COL27A1: variants seen among roughly 807,000 people sequenced by gnomAD.
The protein encoded by COL27A1 is collagen type XXVII alpha 1 chain, also known as collagen alpha-1(XXVII) chain.
Under a neutral mutation model 251.3 loss-of-function variants are expected in COL27A1, and 106 were observed. The ratio of observed to expected loss-of-function variants is 0.42; its 90% confidence interval spans 0.36 to 0.50. The LOEUF (loss-of-function observed/expected upper bound fraction) is 0.50. Ranked by LOEUF, COL27A1 falls within the 20% of genes least tolerant of loss-of-function variation. The probability of loss-of-function intolerance (pLI) is 0.00; values close to 1 mark genes in which losing one functional copy is unlikely to be tolerated. For synonymous variants in COL27A1, 1,000 were observed against 986.3 expected (o/e 1.01, Z -0.26); for missense variants, 2,325 against 2,522.8 (o/e 0.92, Z 1.68).
intron 50 of COL27A1, 49 bp downstream of exon 50, chr9:114,300,172 C>A: frequency 2.0e-6 from 3 of 1,533,520 alleles, no homozygotes; most frequent in South Asian, 2.3e-5. Context: ...ATCCATTCAC[C>A]CCATTCATTC....
chr9:114,240,500 G>A lies in COL27A1; in HGVS notation c.2835+13G>A. On this transcript the variant is annotated intron_variant, in intron 21 of 60. Transcript: ENST00000356083. The stretch of plus-strand genomic sequence containing the variant: ...GCTGGGGCCCGAGGTGAGACTGTCT[G>A]GCCCCCTCCACTGCCCATCCTGGCC... 2 of 1,606,452 alleles carry A rather than the reference G, an allele frequency of 1.2e-6. No individual in the cohort carries two copies. Among genetic ancestry groups the A allele is most frequent in the Non-Finnish European group, 1.7e-6 (2 of 1,179,030 alleles).
Position 114,275,771 on chromosome 9 carries a change from G to T in COL27A1, c.3717+3G>T. ...CCCCTGGCGTCACTGGTGTCCGGGT[G>T]AGTGTGCAGGCCCCTTGCAGCGCCT... On this transcript the variant is annotated splice_donor_region_variant and intron_variant, in intron 37 of 60. Coordinates refer to ENST00000356083, the MANE Select transcript of COL27A1 (RefSeq NM_032888.4). The T allele has an allele frequency of 6.5e-7, 1 of 1,536,078 alleles. No homozygotes were observed. Among genetic ancestry groups the T allele is most frequent in the South Asian group, 1.2e-5 (1 of 83,546 alleles).
rs1468091802 is a variant in COL27A1 at position 114,282,538 on chromosome 9, G to T, written c.3853G>T (p.Gly1285Trp). ...ACCCCCTGGCACTCCAGGCCCTAAA[G>T]GGTCCCGGGGCAGCCTGGGACCAAC... Reference protein sequence around the residue: ...PGPPGTPGPKGSRGSLGPTGA... With the variant: ...PGPPGTPGPKWSRGSLGPTGA... The change falls in exon 39 of 61, where the codon GGG becomes TGG. Residue 1285 changes from glycine to tryptophan, a missense_variant. By Grantham distance (184) the Gly-to-Trp change is radical. This residue lies in a region of COL27A1 where 662 missense variants were observed against 795.3 expected (regional missense o/e 0.83). Coordinates refer to ENST00000356083, the MANE Select transcript of COL27A1 (RefSeq NM_032888.4). 1.9e-6 allele frequency: 3 copies of T among 1,541,742 alleles called. No individual in the cohort carries two copies. Among genetic ancestry groups the T allele is most frequent in the African/African-American group, 1.4e-5 (1 of 72,142 alleles).
intron 14 of COL27A1, among the ~76,000 whole-genome samples, chr9:114,223,918 C>T (rs897859497): frequency 1.3e-5 from 2 of 152,180 alleles, no homozygotes; most frequent in African/African-American, 2.4e-5. Flanking sequence ...TATTATATTA[C>T]ACACACGTGA....
Position 114,155,878 on chromosome 9 carries a change from G to A in COL27A1, c.-73G>A, listed in dbSNP as rs1486497817. On this transcript the variant is annotated 5_prime_UTR_variant, in exon 1 of 61. Coordinates refer to ENST00000356083, the MANE Select transcript of COL27A1 (RefSeq NM_032888.4). This position sits in a 1 kb window ranked among gnomAD's most constrained non-coding sequence, Gnocchi z 5.5. ...CTAAGCCGGCCTGGCGCGGCGGGGC[G>A]GGGGGCTGGCGGCCCCATGGGGCGC... The A allele has an allele frequency of 5.5e-6, 6 of 1,099,708 alleles. No homozygotes were observed. The highest frequency in any genetic ancestry group is 1.0e-4 in the Admixed American group (2 of 19,738). 68.1% of individuals were successfully genotyped at this position (1,099,708 alleles called of 1,614,324 possible).
chr9:114,154,500 T>G (rs1415585300), upstream of COL27A1, among the ~76,000 whole-genome samples: 1 of 151,876 alleles, frequency 6.6e-6, no homozygotes, highest in Non-Finnish European at 1.5e-5. The surrounding 1 kb of genome is among the most constrained non-coding windows in gnomAD (Gnocchi z 5.8). Context: ...ACATGTGCGG[T>G]GGGCACTCTC....
intron 5 of COL27A1, among the ~76,000 whole-genome samples, chr9:114,193,794 C>T (rs531818960): frequency 2.8e-4 from 42 of 152,118 alleles, no homozygotes; most frequent in African/African-American, 8.7e-4. Context: ...AGTATTGACA[C>T]GCCTCTTGGA....
At chr9:114,201,299 G>A (rs566238628) in intron 7 of COL27A1, among the ~76,000 whole-genome samples, 4 of 152,320 alleles carry the variant, frequency 2.6e-5, no homozygotes, top group African/African-American at 7.2e-5. Flanking sequence ...CACTTCTTGC[G>A]GTCAGCACCC....
At chr9:114,189,991 T>C (rs1162489291) in intron 5 of COL27A1, among the ~76,000 whole-genome samples, 1 of 152,250 alleles carries the variant, frequency 6.6e-6, no homozygotes, top group Non-Finnish European at 1.5e-5. Flanking sequence ...GTAGTTCTTA[T>C]TTATTTTTCC....
chr9:114,251,535 C>A (rs1833546932), intron 25 of COL27A1, among the ~76,000 whole-genome samples: 1 of 152,128 alleles, frequency 6.6e-6, no homozygotes, highest in African/African-American at 2.4e-5. Flanking sequence ...ATGACAGATT[C>A]ACAAGAAGTT....
chr9:114,251,791 G>A (rs1320609146), intron 25 of COL27A1, among the ~76,000 whole-genome samples: 3 of 152,228 alleles, frequency 2.0e-5, no homozygotes, highest in South Asian at 2.1e-4. Flanking sequence ...GGGACTTCCC[G>A]AGGGAAGCTT....
chr9:114,289,107 C>A, intron 44 of COL27A1, 135 bp from the exon 45 acceptor site: 2 of 1,383,494 alleles, frequency 1.4e-6, no homozygotes, highest in Non-Finnish European at 2.0e-6. Context: ...GTTTCTCCTG[C>A]CCTGACCCTG....
In COL27A1 at chr9:114,309,495, C is replaced by G; in HGVS notation, c.5436+17C>G. ...GGCTGCAAGGTAACTCTCAGAGCCC[C>G]TCCTAGGCCCTTCATGTGGGGACAA... is the stretch of plus-strand genomic sequence containing the variant. On this transcript the variant is annotated intron_variant, in intron 60 of 60. Coordinates refer to ENST00000356083, the MANE Select transcript of COL27A1 (RefSeq NM_032888.4). 6.3e-7 allele frequency: 1 copy of G among 1,597,618 alleles called. No individual in the cohort carries two copies. The highest frequency in any genetic ancestry group is 1.3e-5 in the African/African-American group (1 of 74,754).
Position 114,162,790 on chromosome 9 carries a change from TTCTC to T in COL27A1, c.133+9_133+12del. On this transcript the variant is annotated splice_donor_region_variant and intron_variant, in intron 2 of 60. Coordinates refer to ENST00000356083, the MANE Select transcript of COL27A1 (RefSeq NM_032888.4). ...CCACCCAAGGAGCTCCTGAAGGTAA[TTCTC>T]TCTTCTCTTTGTCCAGGGGGAGACA... 2 of 1,606,214 alleles carry T rather than the reference TTCTC, an allele frequency of 1.2e-6. No individual in the cohort carries two copies. The highest frequency in any genetic ancestry group is 2.2e-5 in the East Asian group (1 of 44,762).
At chr9:114,289,907 C>T in intron 45 of COL27A1, 151 bp from the exon 46 acceptor site, 1 of 902,142 alleles carries the variant, frequency 1.1e-6, no homozygotes, top group Admixed American at 2.0e-5. Flanking sequence ...CCAGCTCTGG[C>T]CCCAGGCTTC....
Position 114,205,097 on chromosome 9 carries a change from A to C in COL27A1, c.2125-5A>C. On this transcript the variant is annotated splice_polypyrimidine_tract_variant and splice_region_variant and intron_variant, in intron 7 of 60. Coordinates refer to ENST00000356083, the MANE Select transcript of COL27A1 (RefSeq NM_032888.4). ...GCCTGATGCAGCTTCTTCCCCCTCC[A>C]ACAGGGACACAAGGGCTATCCTGGA... The C allele has an allele frequency of 6.2e-7, 1 of 1,613,606 alleles. No individual in the cohort carries two copies.
chr9:114,229,104 A>G (rs7045062), intron 14 of COL27A1, among the ~76,000 whole-genome samples: 11,502 of 152,266 alleles, frequency 0.076, 1,103 homozygotes, highest in African/African-American at 0.22. Flanking sequence ...GATTATAGGC[A>G]TGAGCCATGG....
At chr9:114,163,730 G>A (rs1848646624) in intron 2 of COL27A1, among the ~76,000 whole-genome samples, 1 of 152,220 alleles carries the variant, frequency 6.6e-6, no homozygotes, top group African/African-American at 2.4e-5. Flanking sequence ...TGGGAGGGCA[G>A]GGCTGTGCCC....
chr9:114,247,248 C>A (rs1833203759), intron 24 of COL27A1, among the ~76,000 whole-genome samples: 1 of 151,990 alleles, frequency 6.6e-6, no homozygotes, highest in Non-Finnish European at 1.5e-5. Flanking sequence ...TAATGCCAAG[C>A]CTTAGTGATG....
Sources: gnomAD v4.1 joint callset for allele counts (sites outside exome capture counted in the v4.1 genomes callset) on GRCh38, gnomAD v4.1.1 for gene constraint, gnomAD v4.1.1 regional missense constraint, Gnocchi (gnomAD v3.1) non-coding constraint, MANE v1.5 for transcripts, NCBI Gene and HGNC (gene_info 2026-07-23, HGNC 2026-07-21) for gene names.